Variants in SEC61A2 observed in about 807,000 individuals in gnomAD.
SEC61A2 encodes the protein protein transport protein Sec61 subunit alpha isoform 2.
A neutral mutation model predicts 59.9 loss-of-function variants in SEC61A2; 28 were observed. That is an observed-to-expected ratio of 0.47 (90% CI 0.35 to 0.64). The LOEUF (loss-of-function observed/expected upper bound fraction) is 0.64. Ranked by LOEUF, SEC61A2 falls within the 30% of genes least tolerant of loss-of-function variation. The pLI is 0.01. For synonymous variants in SEC61A2, 202 were observed against 214.4 expected (o/e 0.94, Z 0.50); for missense variants, 340 against 585.9 (o/e 0.58, Z 4.33).
At chr10:12,137,648 C>T (rs1833918843) in intron 3 of SEC61A2, among the ~76,000 whole-genome samples, 1 of 152,100 alleles carries the variant, frequency 6.6e-6, no homozygotes. Flanking sequence ...ATTAAGTTCA[C>T]AGTGTGAGTA....
At chr10:12,163,245 C>T (rs372233102) in intron 11 of SEC61A2, among the ~76,000 whole-genome samples, 16 of 150,106 alleles carry the variant, frequency 1.1e-4, no homozygotes, top group African/African-American at 3.2e-4. Flanking sequence ...TGGGCTCAAG[C>T]GATCCTCCCC....
chr10:12,143,990 C>T lies in SEC61A2; in HGVS notation c.220+795C>T, dbSNP rs1834083583. 6.6e-6 allele frequency among the ~76,000 whole-genome samples: 1 copy of T among 152,130 alleles called. No individual in the cohort carries two copies. On this transcript the variant is annotated intron_variant, in intron 4 of 11. Coordinates refer to ENST00000298428, the MANE Select transcript of SEC61A2 (RefSeq NM_018144.4). The surrounding 1 kb of genome is among the most constrained non-coding windows in gnomAD (Gnocchi z 4.8). ...GGGACTACTGGTGCGTGCCACAATG[C>T]CTGGCTAATTTTTGTAGTTTTGTAG...
chr10:12,146,739 T>C (rs543980961), intron 4 of SEC61A2, among the ~76,000 whole-genome samples: 35 of 151,770 alleles, frequency 2.3e-4, no homozygotes, highest in East Asian at 7.9e-4. Flanking sequence ...AGGATGGTCT[T>C]GATCTCCTGA....
rs1834559126 is a variant in SEC61A2 at position 12,162,717 on chromosome 10, G to A, written c.1244+428G>A. Among the ~76,000 whole-genome samples, 1 of 152,014 alleles carries A rather than the reference G, an allele frequency of 6.6e-6. No homozygotes were observed. ...GAAGTATATTGTTCAGTGTTTTTTA[G>A]TATATTCAGACTTGTACAGTCATAA... On this transcript the variant is annotated intron_variant, in intron 11 of 11. Transcript: ENST00000298428. This position sits in a 1 kb window ranked among gnomAD's most constrained non-coding sequence, Gnocchi z 6.1.
In SEC61A2 at chr10:12,155,950, G is replaced by A; in HGVS notation, c.616+19G>A. 1.2e-6 allele frequency: 2 copies of A among 1,613,798 alleles called. No homozygotes were observed. The highest frequency in any genetic ancestry group is 1.7e-6 in the Non-Finnish European group (2 of 1,179,676). On this transcript the variant is annotated intron_variant, in intron 7 of 11. Coordinates refer to ENST00000298428, the MANE Select transcript of SEC61A2 (RefSeq NM_018144.4). This position sits in a 1 kb window ranked among gnomAD's most constrained non-coding sequence, Gnocchi z 4.3. ...GGCAGAGGTACATCGCACAGCGACT[G>A]CAACTGCACGCGTTTTGCTGGATGT...
chr10:12,156,112 G>A lies in SEC61A2; in HGVS notation c.616+181G>A, dbSNP rs1834391963. Among the ~76,000 whole-genome samples, 1 of 152,210 alleles carries A rather than the reference G, an allele frequency of 6.6e-6. No individual in the cohort carries two copies. Among genetic ancestry groups the A allele is most frequent in the Admixed American group, 6.5e-5 (1 of 15,280 alleles). ...GGAGTAAGCAATACTACCTCAGAGA[G>A]AATAGTATCAAAATTTTAGCCTCTG... On this transcript the variant is annotated intron_variant, in intron 7 of 11. Coordinates refer to ENST00000298428, the MANE Select transcript of SEC61A2 (RefSeq NM_018144.4). The surrounding 1 kb of genome is among the most constrained non-coding windows in gnomAD (Gnocchi z 5.2).
At chr10:12,133,756 T>C (rs999247314) in intron 2 of SEC61A2, among the ~76,000 whole-genome samples, 1 of 152,262 alleles carries the variant, frequency 6.6e-6, no homozygotes, top group African/African-American at 2.4e-5. Context: ...CTCCCATTTC[T>C]TGATTCATTC....
chr10:12,168,465 T>G (rs117441391), downstream of SEC61A2, among the ~76,000 whole-genome samples: 28 of 152,336 alleles, frequency 1.8e-4, no homozygotes, highest in East Asian at 5.2e-3. The surrounding 1 kb of genome is among the most constrained non-coding windows in gnomAD (Gnocchi z 4.8). Context: ...TTCCATCTTT[T>G]CTGCTGCTAG....
chr10:12,153,881 C>T lies in SEC61A2; in HGVS notation c.463-1897C>T, dbSNP rs1010594395. On this transcript the variant is annotated intron_variant, in intron 6 of 11. Transcript: ENST00000298428. This position sits in a 1 kb window ranked among gnomAD's most constrained non-coding sequence, Gnocchi z 5.2. Reference sequence around the variant, plus strand: ...ACCTTATTTGTTTATGTTTCATTCACGTGGTTAGTGTTTTTCAGCTAGTGA... The same window carrying T: ...ACCTTATTTGTTTATGTTTCATTCATGTGGTTAGTGTTTTTCAGCTAGTGA... 3.5e-5 allele frequency: 49 copies of T among 1,410,830 alleles called. No individual in the cohort carries two copies. Among genetic ancestry groups the T allele is most frequent in the Non-Finnish European group, 4.6e-5 (48 of 1,051,548 alleles). 87.4% of individuals were successfully genotyped at this position (1,410,830 alleles called of 1,614,324 possible). A position where few individuals can be genotyped will look rare whatever the true frequency, so the allele number is the denominator to read the frequency against.
intron 3 of SEC61A2, among the ~76,000 whole-genome samples, chr10:12,139,968 CAAA>C (rs776277274): frequency 1.3e-4 from 7 of 52,568 alleles, no homozygotes; most frequent in East Asian, 5.3e-4. Context: ...GACTCCATCT[CAAA>C]AAAAAAAAAA....
downstream of SEC61A2, among the ~76,000 whole-genome samples, chr10:12,168,156 C>G (rs1834753761): frequency 6.6e-6 from 1 of 152,036 alleles, no homozygotes; most frequent in African/African-American, 2.4e-5. This position sits in a 1 kb window ranked among gnomAD's most constrained non-coding sequence, Gnocchi z 4.8. Flanking sequence ...TCCCCAGTAG[C>G]TGGGACTATA....
At chr10:12,166,617 C>T, downstream of SEC61A2, 1 of 408,636 alleles carries the variant, frequency 2.4e-6, no homozygotes, top group South Asian at 1.8e-5. Context: ...TCATATGGTT[C>T]TCAGGGCCTG....
Position 12,153,702 on chromosome 10 carries a change from T to C in SEC61A2, c.463-2076T>C, listed in dbSNP as rs1198876120. On this transcript the variant is annotated intron_variant, in intron 6 of 11. Transcript: ENST00000298428. The surrounding 1 kb of genome is among the most constrained non-coding windows in gnomAD (Gnocchi z 5.2). The stretch of plus-strand genomic sequence containing the variant: ...TATAAAGAGGGGTGTCATGTTTGAT[T>C]GTAGGTGGGCAGTGACCCATTGGTG... 7 of 1,602,570 alleles carry C rather than the reference T, an allele frequency of 4.4e-6. No homozygotes were observed. The highest frequency in any genetic ancestry group is 1.1e-5 in the South Asian group (1 of 88,664).
At chr10:12,140,178 T>C (rs1197787589) in intron 3 of SEC61A2, among the ~76,000 whole-genome samples, 1 of 152,190 alleles carries the variant, frequency 6.6e-6, no homozygotes, top group Non-Finnish European at 1.5e-5. Context: ...AATAGGCTGG[T>C]TGACTGTCTG....
intron 1 of SEC61A2, among the ~76,000 whole-genome samples, chr10:12,130,039 G>T (rs1289110048): frequency 6.6e-6 from 1 of 152,204 alleles, no homozygotes; most frequent in East Asian, 1.9e-4. Flanking sequence ...CGAGGATGGC[G>T]CTGGGAGGCC....
chr10:12,136,150 A>G lies in SEC61A2; in HGVS notation c.121A>G (p.Ile41Val). The change falls in exon 3 of 12, where the codon ATT becomes GTT. Residue 41 changes from isoleucine (I) to valine (V), a missense_variant. Around this residue, in one of 3 missense-constraint regions of SEC61A2, gnomAD observed 41 missense variants for 47.6 expected, o/e 0.86. Coordinates refer to ENST00000298428, the MANE Select transcript of SEC61A2 (RefSeq NM_018144.4). ...KVLWTAITLF[I>V]FLVCCQIPLF... ...TCTGTGGACTGCTATAACGCTCTTC[A>G]TTTTCTTAGTGTGTTGTCAGGTATG... is the stretch of plus-strand genomic sequence containing the variant. The G allele has an allele frequency of 1.3e-6, 2 of 1,596,720 alleles. No homozygotes were observed. The highest frequency in any genetic ancestry group is 1.7e-6 in the Non-Finnish European group (2 of 1,164,354).
rs1335960716 is a variant in SEC61A2, at chr10:12,155,373, C to G, written c.463-405C>G. 2 of 1,559,414 alleles carry G rather than the reference C, an allele frequency of 1.3e-6. No individual in the cohort carries two copies. The highest frequency in any genetic ancestry group is 3.9e-5 in the Admixed American group (2 of 51,578). ...TGTACATTTCCATCTTGCTATTATA[C>G]CAGAATTCATCTGACTTTTTACTTC... On this transcript the variant is annotated intron_variant, in intron 6 of 11. Coordinates refer to ENST00000298428, the MANE Select transcript of SEC61A2 (RefSeq NM_018144.4). The surrounding 1 kb of genome is among the most constrained non-coding windows in gnomAD (Gnocchi z 4.3).
At chr10:12,138,041 A>G (rs1205544657) in intron 3 of SEC61A2, among the ~76,000 whole-genome samples, 2 of 152,046 alleles carry the variant, frequency 1.3e-5, no homozygotes, top group Non-Finnish European at 2.9e-5. Context: ...ACATACATAC[A>G]TACCAGATAA....
In SEC61A2 at chr10:12,155,325, T is replaced by C. The variant is rs770433021; in HGVS notation, c.463-453T>C. ...TTTTTTCAAAGGATCAACACAGCCC[T>C]TAGACTTATCCTTTGATGGCAGTGT... On this transcript the variant is annotated intron_variant, in intron 6 of 11. Transcript: ENST00000298428. The surrounding 1 kb of genome is among the most constrained non-coding windows in gnomAD (Gnocchi z 4.3). The C allele has an allele frequency of 6.3e-7, 1 of 1,579,904 alleles. No individual in the cohort carries two copies. The highest frequency in any genetic ancestry group is 1.8e-5 in the Admixed American group (1 of 56,192).
Sources: gnomAD v4.1 joint callset for allele counts (sites outside exome capture counted in the v4.1 genomes callset) on GRCh38, gnomAD v4.1.1 for gene constraint, gnomAD v4.1.1 regional missense constraint, Gnocchi (gnomAD v3.1) non-coding constraint, MANE v1.5 for transcripts, NCBI Gene and HGNC (gene_info 2026-07-23, HGNC 2026-07-21) for gene names.